Variants in DLGAP1 observed in about 807,000 individuals in gnomAD.
DLGAP1 encodes the protein DLG associated protein 1, also known as disks large-associated protein 1.
A neutral mutation model predicts 90.8 loss-of-function variants in DLGAP1; 11 were observed. That is an observed-to-expected ratio of 0.12 (90% CI 0.08 to 0.20). The LOEUF (loss-of-function observed/expected upper bound fraction) is 0.20. DLGAP1 is among the 10% of genes least tolerant of loss of function. DLGAP1 has a pLI of 1.00. For missense variants in DLGAP1, 1,050 were observed against 1,333.8 expected (o/e 0.79, Z 3.31); for synonymous variants, 558 against 540.7 (o/e 1.03, Z -0.44).
At chr18:4,017,504 A>T (rs2074542428) in intron 2 of DLGAP1, among the ~76,000 whole-genome samples, 1 of 152,236 alleles carries the variant, frequency 6.6e-6, no homozygotes, top group Non-Finnish European at 1.5e-5. Flanking sequence ...TTGGATTTTT[A>T]CTCATTTTCC....
At chr18:4,274,762 A>T (rs2079371704) in intron 1 of DLGAP1, among the ~76,000 whole-genome samples, 1 of 152,184 alleles carries the variant, frequency 6.6e-6, no homozygotes, top group Non-Finnish European at 1.5e-5. Context: ...TTTAGTAGAT[A>T]AGAAGTAGAA....
chr18:3,756,211 G>A (rs865957013), intron 5 of DLGAP1, among the ~76,000 whole-genome samples: 7 of 151,866 alleles, frequency 4.6e-5, no homozygotes, highest in African/African-American at 9.7e-5. Context: ...CACGATGCCC[G>A]GCTAATCTTT....
At chr18:4,310,884 A>G (rs772835144) in intron 1 of DLGAP1, among the ~76,000 whole-genome samples, 1 of 152,120 alleles carries the variant, frequency 6.6e-6, no homozygotes, top group Non-Finnish European at 1.5e-5. Flanking sequence ...TCTTTACATC[A>G]TCTTAGCAAT....
intron 3 of DLGAP1, among the ~76,000 whole-genome samples, chr18:3,963,005 T>G (rs1040422439): frequency 2.0e-5 from 3 of 152,210 alleles, no homozygotes; most frequent in African/African-American, 7.2e-5. Context: ...GTTGAAGGAC[T>G]GGTTGAAGAC....
At chr18:4,385,652 T>TTTAGAAA (rs1443792863) in intron 1 of DLGAP1, among the ~76,000 whole-genome samples, 5 of 152,088 alleles carry the variant, frequency 3.3e-5, no homozygotes, top group African/African-American at 1.2e-4. Flanking sequence ...TGACAGGCTG[T>TTTAGAAA]TCTAGGAAAA....
At chr18:4,093,906 GT>G (rs1028211885) in intron 2 of DLGAP1, among the ~76,000 whole-genome samples, 1 of 152,024 alleles carries the variant, frequency 6.6e-6, no homozygotes, top group Non-Finnish European at 1.5e-5. Context: ...ACATGCTAAT[GT>G]TCCCAGACTT....
At chr18:4,062,997 T>C (rs1399190201) in intron 2 of DLGAP1, among the ~76,000 whole-genome samples, 4 of 152,100 alleles carry the variant, frequency 2.6e-5, no homozygotes, top group African/African-American at 7.2e-5. Context: ...AAATACATTA[T>C]ATATATTCCT....
intron 1 of DLGAP1, among the ~76,000 whole-genome samples, chr18:4,441,971 G>C (rs1872152166): frequency 6.6e-6 from 1 of 152,086 alleles, no homozygotes; most frequent in Admixed American, 6.6e-5. Context: ...AACATATTCT[G>C]TAAACCATCA....
At chr18:4,107,953 G>C (rs2075899433) in intron 2 of DLGAP1, among the ~76,000 whole-genome samples, 1 of 152,154 alleles carries the variant, frequency 6.6e-6, no homozygotes, top group South Asian at 2.1e-4. Context: ...ATGGGGTGCA[G>C]AAAATGCTAC....
intron 1 of DLGAP1, among the ~76,000 whole-genome samples, chr18:4,284,403 C>T (rs77794041): frequency 0.026 from 4,022 of 152,104 alleles, 178 homozygotes; most frequent in African/African-American, 0.092. Context: ...ATGCATCAAA[C>T]GCTTTATCCC....
At chr18:4,329,444 TTC>T (rs1374559746) in intron 1 of DLGAP1, among the ~76,000 whole-genome samples, 1 of 151,992 alleles carries the variant, frequency 6.6e-6, no homozygotes, top group Non-Finnish European at 1.5e-5. Flanking sequence ...CAGCTTTGTT[TTC>T]TGTTTAAAAT....
chr18:4,437,114 T>C (rs1178452429), intron 1 of DLGAP1, among the ~76,000 whole-genome samples: 1 of 152,212 alleles, frequency 6.6e-6, no homozygotes, highest in East Asian at 1.9e-4. Flanking sequence ...TTCTGAGGAA[T>C]GACAGTGCTC....
rs185254898 is a variant in DLGAP1, at chr18:4,342,160, G to A, written c.-267+112846C>T. Among the ~76,000 whole-genome samples, 1 of 152,170 alleles carries A rather than the reference G, an allele frequency of 6.6e-6. No individual in the cohort carries two copies. Among genetic ancestry groups the A allele is most frequent in the East Asian group, 1.9e-4 (1 of 5,166 alleles). ...ATTCAATACCTGGCAATATTCAACA[G>A]ACTCAAAGTGGTAGTCTCTTCTGAC... On this transcript the variant is annotated intron_variant, in intron 1 of 12. Transcript: ENST00000315677. This position sits in a 1 kb window ranked among gnomAD's most constrained non-coding sequence, Gnocchi z 5.8.
chr18:3,504,997 G>A (rs377022333), intron 11 of DLGAP1, among the ~76,000 whole-genome samples: 1 of 152,278 alleles, frequency 6.6e-6, no homozygotes, highest in African/African-American at 2.4e-5. Context: ...CTCATTCTAA[G>A]CCTGGGAGTC....
intron 1 of DLGAP1, among the ~76,000 whole-genome samples, chr18:4,400,132 C>A (rs1402135182): frequency 1.3e-5 from 2 of 152,104 alleles, no homozygotes; most frequent in Non-Finnish European, 2.9e-5. Context: ...TCCTCCTGAA[C>A]CACTACCCGG....
intron 2 of DLGAP1, among the ~76,000 whole-genome samples, chr18:4,022,605 A>C (rs868308973): frequency 1.3e-5 from 2 of 152,192 alleles, no homozygotes; most frequent in Admixed American, 6.5e-5. Flanking sequence ...ATGCCATGCT[A>C]TTCATACATT....
intron 1 of DLGAP1, among the ~76,000 whole-genome samples, chr18:4,385,674 A>T (rs2082215997): frequency 6.6e-6 from 1 of 152,196 alleles, no homozygotes; most frequent in African/African-American, 2.4e-5. Context: ...AAATCTACAG[A>T]TTCAGGGCTG....
At chr18:4,260,885 A>C (rs142549704) in intron 1 of DLGAP1, among the ~76,000 whole-genome samples, 385 of 152,328 alleles carry the variant, frequency 2.5e-3, no homozygotes, top group African/African-American at 8.9e-3. Context: ...AACGATTGGA[A>C]AATCTTGGCT....
chr18:3,991,637 T>A (rs1012541738), intron 3 of DLGAP1, among the ~76,000 whole-genome samples: 31 of 152,302 alleles, frequency 2.0e-4, no homozygotes, highest in African/African-American at 7.2e-4. Context: ...TTCTCCCTTC[T>A]CCCCAGAGCT....
Sources: allele counts gnomAD v4.1 joint callset (sites outside exome capture counted in the v4.1 genomes callset), GRCh38; gene constraint gnomAD v4.1.1; non-coding constraint Gnocchi (gnomAD v3.1); transcripts MANE v1.5; gene names NCBI Gene and HGNC (gene_info 2026-07-23, HGNC 2026-07-21).